Variants in ATXN10 observed in about 807,000 individuals in gnomAD.
ATXN10 encodes ataxin 10, also known as ataxin-10.
In ATXN10, 28 loss-of-function variants were observed where a neutral mutation model predicts 52.9. The observed-to-expected ratio is 0.53, with a 90% CI of 0.39 to 0.73. ATXN10 has a LOEUF of 0.73. Ranked by LOEUF, ATXN10 falls within the 30% of genes least tolerant of loss-of-function variation. The pLI, the probability that ATXN10 is intolerant of heterozygous loss-of-function variation, is 0.00. For missense variants in ATXN10, 565 were observed against 577.0 expected, an observed-to-expected ratio of 0.98 and a Z score of 0.21; for synonymous variants, 226 against 221.5, an observed-to-expected ratio of 1.02 and a Z score of -0.18.
At position 45,733,276 on chromosome 22, in the gene ATXN10, T is replaced by C. The variant is rs1445990696; in HGVS notation, c.894+3686T>C. Among the ~76,000 whole-genome samples the C allele has an allele frequency of 1.3e-5, 2 of 152,254 alleles. No homozygotes were observed. The highest frequency in any genetic ancestry group is 2.9e-5 in the Non-Finnish European group (2 of 68,036). On this transcript the variant is annotated intron_variant, in intron 7 of 11. Transcript: ENST00000252934. The surrounding 1 kb of genome is among the most constrained non-coding windows in gnomAD (Gnocchi z 4.4). Reference sequence around the variant, plus strand: ...TTAGGCCATACTGTAGTACCTGTTATGCAGTAGGTATTACATATTTAATTA... The same window carrying C: ...TTAGGCCATACTGTAGTACCTGTTACGCAGTAGGTATTACATATTTAATTA...
At position 45,748,737 on chromosome 22, in the gene ATXN10, T is replaced by G. The variant is rs140917236; in HGVS notation, c.1173+8199T>G. On this transcript the variant is annotated intron_variant, in intron 9 of 11. Coordinates refer to ENST00000252934, the MANE Select transcript of ATXN10 (RefSeq NM_013236.4). Reference sequence around the variant, plus strand: ...TTGAAGATTGAATGTATAGGCAAGATCTGGCTTGCTTAGAATTCCACTTCT... The same window carrying G: ...TTGAAGATTGAATGTATAGGCAAGAGCTGGCTTGCTTAGAATTCCACTTCT... 1.6e-3 allele frequency among the ~76,000 whole-genome samples: 248 copies of G among 152,334 alleles called. 1 individual carries two copies. Among genetic ancestry groups the G allele is most frequent in the Middle Eastern group, 6.8e-3 (2 of 294 alleles).
At chr22:45,740,711 C>CATATATATAT in intron 9 of ATXN10, 173 bp downstream of exon 9, 1 of 327,464 alleles carries the variant, frequency 3.1e-6, no homozygotes, top group Non-Finnish European at 5.3e-6. Flanking sequence ...CACACACACA[C>CATATATATAT]ACACACACAT....
At chr22:45,758,182 T>C (rs893163372) in intron 9 of ATXN10, among the ~76,000 whole-genome samples, 5 of 152,204 alleles carry the variant, frequency 3.3e-5, no homozygotes, top group Non-Finnish European at 7.3e-5. Context: ...CTCAGAGTCG[T>C]CCACACTGCT....
At chr22:45,768,154 G>T (rs1433043474) in intron 9 of ATXN10, among the ~76,000 whole-genome samples, 1 of 152,084 alleles carries the variant, frequency 6.6e-6, no homozygotes, top group South Asian at 2.1e-4. Context: ...AACTAAAATC[G>T]TTGAGCCCTG....
At position 45,700,310 on chromosome 22, in the gene ATXN10, C is replaced by T; in HGVS notation, c.420C>T (p.Gly140=). The change falls in exon 4 of 12, where the codon GGC becomes GGT. Residue 140 remains glycine (G), a synonymous_variant. Transcript: ENST00000252934. ...TTCGCTGTGGCCTGCAGTTTTTAGGCAACATTGCCTCACGGAATGAAGATT... is the reference window on the plus strand; with the variant it reads ...TTCGCTGTGGCCTGCAGTTTTTAGGTAACATTGCCTCACGGAATGAAGATT... The part of the protein sequence containing the change: ...TAFRCGLQFL[G]NIASRNEDSQ... The T allele has an allele frequency of 6.2e-7, 1 of 1,613,964 alleles. No individual in the cohort carries two copies. The highest frequency in any genetic ancestry group is 8.5e-7 in the Non-Finnish European group (1 of 1,179,922).
chr22:45,751,763 A>AAAAAAAAAATAATAATAAT, intron 9 of ATXN10, among the ~76,000 whole-genome samples: 23 of 66,606 alleles, frequency 3.5e-4, no homozygotes, highest in Non-Finnish European at 5.3e-4. Context: ...AATAAAAAAA[A>AAAAAAAAAATAATAATAAT]AATAATAATA....
chr22:45,806,295 TGAGC>T (rs1569072495), intron 9 of ATXN10, among the ~76,000 whole-genome samples: 1 of 152,202 alleles, frequency 6.6e-6, no homozygotes, highest in Non-Finnish European at 1.5e-5. Context: ...TTCCCTCTTA[TGAGC>T]ACGTTTGAAC....
At chr22:45,707,125 T>C (rs893049768) in intron 5 of ATXN10, among the ~76,000 whole-genome samples, 5 of 152,196 alleles carry the variant, frequency 3.3e-5, no homozygotes, top group African/African-American at 1.2e-4. Flanking sequence ...TTTTGTTGTT[T>C]ATGTTTTAAC....
Position 45,775,574 on chromosome 22 carries a change from A to G in ATXN10, c.1174-31385A>G, listed in dbSNP as rs2146846526. On this transcript the variant is annotated intron_variant, in intron 9 of 11. Transcript: ENST00000252934. The surrounding 1 kb of genome is among the most constrained non-coding windows in gnomAD (Gnocchi z 4.7). ...GCAGTTAATATTGGAAAATATGGTTAGAATTAGGTGACTGCCAAACATGGC... is the reference window on the plus strand; with the variant it reads ...GCAGTTAATATTGGAAAATATGGTTGGAATTAGGTGACTGCCAAACATGGC... Among the ~76,000 whole-genome samples, 2 of 152,342 alleles carry G rather than the reference A, an allele frequency of 1.3e-5. 1 individual carries two copies. The highest frequency in any genetic ancestry group is 4.1e-4 in the South Asian group (2 of 4,830).
intron 9 of ATXN10, among the ~76,000 whole-genome samples, chr22:45,803,720 C>T (rs1337223771): frequency 1.3e-5 from 2 of 152,086 alleles, no homozygotes; most frequent in African/African-American, 2.4e-5. Context: ...CTTTACTGTA[C>T]GTACTTTACT....
Position 45,723,965 on chromosome 22 carries a change from AT to A in ATXN10, c.729-5459del, listed in dbSNP as rs1161072041. 1.8e-3 allele frequency among the ~76,000 whole-genome samples: 280 copies of A among 151,754 alleles called. 2 individuals are homozygous for A. Among genetic ancestry groups the A allele is most frequent in the African/African-American group, 6.2e-3 (257 of 41,226 alleles). ...AGACCCTGTCTCAAAAAAAAAAAAAATAAAAGGCTTCCAGCTCCATCCAAGT... is the reference window on the plus strand; with the variant it reads ...AGACCCTGTCTCAAAAAAAAAAAAAAAAAAGGCTTCCAGCTCCATCCAAGT... On this transcript the variant is annotated intron_variant, in intron 6 of 11. Transcript: ENST00000252934.
rs1339909283 is a variant in ATXN10 at position 45,708,114 on chromosome 22, T to C, written c.647+5267T>C. 6.6e-6 allele frequency among the ~76,000 whole-genome samples: 1 copy of C among 152,190 alleles called. No homozygotes were observed. The highest frequency in any genetic ancestry group is 1.5e-5 in the Non-Finnish European group (1 of 68,016). ...ACACAGGAAAGTGTAGGCGAGAAAG[T>C]CTTTGGCACTACTTGGTTTGAATTA... On this transcript the variant is annotated intron_variant, in intron 5 of 11. Transcript: ENST00000252934. The surrounding 1 kb of genome is among the most constrained non-coding windows in gnomAD (Gnocchi z 5.3).
chr22:45,809,315 C>T (rs938622717), intron 10 of ATXN10, among the ~76,000 whole-genome samples: 1 of 152,200 alleles, frequency 6.6e-6, no homozygotes, highest in Non-Finnish European at 1.5e-5. Flanking sequence ...CTTTCCCCCC[C>T]TTTCTTGTGC....
rs1924907519 is a variant in ATXN10 at position 45,727,241 on chromosome 22, G to GA, written c.729-2183dup. Among the ~76,000 whole-genome samples, 1 of 152,218 alleles carries GA rather than the reference G, an allele frequency of 6.6e-6. No homozygotes were observed. The highest frequency in any genetic ancestry group is 1.9e-4 in the East Asian group (1 of 5,180). The stretch of plus-strand genomic sequence containing the variant: ...AATTTCCGTGTATTTATGTAGTTTT[G>GA]AGGGTTCCTTTTGGAATTGATTTCT... On this transcript the variant is annotated intron_variant, in intron 6 of 11. Coordinates refer to ENST00000252934, the MANE Select transcript of ATXN10 (RefSeq NM_013236.4). The surrounding 1 kb of genome is among the most constrained non-coding windows in gnomAD (Gnocchi z 4.6).
chr22:45,713,343 G>T (rs1055527316), intron 5 of ATXN10, among the ~76,000 whole-genome samples: 8 of 152,172 alleles, frequency 5.3e-5, no homozygotes, highest in African/African-American at 1.7e-4. Context: ...CATGCATTTT[G>T]TTTTTTGGCA....
At chr22:45,771,468 G>A (rs1271732276) in intron 9 of ATXN10, among the ~76,000 whole-genome samples, 2 of 148,138 alleles carry the variant, frequency 1.4e-5, no homozygotes, top group African/African-American at 2.5e-5. Flanking sequence ...CCAGGCTGGA[G>A]TGCAATGATG....
At chr22:45,802,616 T>C (rs1054602630) in intron 9 of ATXN10, among the ~76,000 whole-genome samples, 19 of 152,352 alleles carry the variant, frequency 1.2e-4, no homozygotes, top group African/African-American at 4.6e-4. Flanking sequence ...TTCCCTTGTA[T>C]CCTTTCCTAA....
chr22:45,838,218 T>C (rs1313956643), intron 10 of ATXN10, among the ~76,000 whole-genome samples: 1 of 152,214 alleles, frequency 6.6e-6, no homozygotes, highest in East Asian at 1.9e-4. Flanking sequence ...CCTGCTAATA[T>C]CTTATCACCT....
Position 45,840,599 on chromosome 22 carries a change from A to G in ATXN10, c.1238-2392A>G, listed in dbSNP as rs1015169391. On this transcript the variant is annotated intron_variant, in intron 10 of 11. Transcript: ENST00000252934. The surrounding 1 kb of genome is among the most constrained non-coding windows in gnomAD (Gnocchi z 5.8). ...AGGGCGCCTGGCAGGAGAGGTGGGT[A>G]GGGGCCGTCTGGCAGGGTCTCACGT... 5.9e-5 allele frequency among the ~76,000 whole-genome samples: 9 copies of G among 152,152 alleles called. No individual in the cohort carries two copies. The highest frequency in any genetic ancestry group is 5.9e-4 in the Admixed American group (9 of 15,278).
Sources: gnomAD v4.1 joint callset for allele counts (sites outside exome capture counted in the v4.1 genomes callset) on GRCh38, gnomAD v4.1.1 for gene constraint, Gnocchi (gnomAD v3.1) non-coding constraint, MANE v1.5 for transcripts, NCBI Gene and HGNC (gene_info 2026-07-23, HGNC 2026-07-21) for gene names.